The following USP54 variants were observed in gnomAD, a reference collection of about 807,000 sequenced individuals.
USP54 encodes the protein ubiquitin specific peptidase 54.
Under a neutral mutation model 170.5 loss-of-function variants are expected in USP54, and 87 were observed. That is an observed-to-expected ratio of 0.51 (90% CI 0.43 to 0.61). The LOEUF is 0.61. Ranked by LOEUF, USP54 falls within the 20% of genes least tolerant of loss-of-function variation. USP54 has a pLI of 0.00. For missense variants in USP54, 1,786 were observed against 2,047.8 expected (o/e 0.87, Z 2.47); for synonymous variants, 655 against 742.8 (o/e 0.88, Z 1.92).
In USP54 at chr10:73,543,567, C is replaced by T. The variant is rs1231015367; in HGVS notation, c.376-436G>A. On this transcript the variant is annotated intron_variant, in intron 5 of 23. Transcript: ENST00000687698. ...ATTTTTAGTAGAGACGAGGTTTCAC[C>T]GTGTTAGCCAGGATGGTCTCGATCT... Among the ~76,000 whole-genome samples, 4 of 152,166 alleles carry T rather than the reference C, an allele frequency of 2.6e-5. No individual in the cohort carries two copies. The East Asian group carries it at 7.7e-4, about 29-fold the overall frequency.
chr10:73,624,422 G>A (rs1177903438), intron 1 of USP54: 1 of 148,224 alleles, frequency 6.7e-6, no homozygotes, highest in South Asian at 2.1e-4. Flanking sequence ...TAGCCAGGCT[G>A]GTCTCGAACT....
intron 7 of USP54, 31 bp from the exon 8 acceptor site, chr10:73,541,769 G>C (rs1428390355): frequency 6.2e-7 from 1 of 1,600,432 alleles, no homozygotes; most frequent in Non-Finnish European, 8.6e-7. Context: ...GGGGGATGAT[G>C]GTTTGTATTT....
At chr10:73,536,531 A>G (rs1300098432) in intron 10 of USP54, 94 bp from the exon 11 acceptor site, 2 of 1,339,446 alleles carry the variant, frequency 1.5e-6, no homozygotes, top group African/African-American at 3.0e-5. Flanking sequence ...AAGAAAATAA[A>G]AGAGATGAAA....
chr10:73,606,814 G>A (rs1172081109), intron 1 of USP54, among the ~76,000 whole-genome samples: 1 of 151,076 alleles, frequency 6.6e-6, no homozygotes, highest in Admixed American at 6.6e-5. Context: ...GGGAGGTGGA[G>A]GTTGCAGTGA....
chr10:73,530,785 A>T lies in USP54; in HGVS notation c.1366T>A (p.Ser456Thr). Residue 456 changes from serine (S) to threonine (T), a missense_variant, in exon 13 of 24, where the codon TCA becomes ACA. This residue lies in a region of USP54 where 1,418 missense variants were observed against 1,569.0 expected (regional missense o/e 0.90). Coordinates refer to ENST00000687698, the MANE Select transcript of USP54 (RefSeq NM_001391956.1). ...GAGCTCCTCTTGCGCTCTATCAGTG[A>T]CCCTTTCTTGGATGTGTGTTTCTGA... ...CNQKHTSKKGSLIERKRSSGR... is the reference protein window; with the variant it reads ...CNQKHTSKKGTLIERKRSSGR... 2 of 1,614,008 alleles carry T rather than the reference A, an allele frequency of 1.2e-6. No individual in the cohort carries two copies. The highest frequency in any genetic ancestry group is 1.7e-6 in the Non-Finnish European group (2 of 1,179,990).
At chr10:73,624,658 A>G (rs2081382140) in intron 1 of USP54, 1 of 152,188 alleles carries the variant, frequency 6.6e-6, no homozygotes, top group African/African-American at 2.4e-5. Flanking sequence ...GAAATAAATT[A>G]TTTTTATGCC....
At chr10:73,511,728 A>G (rs1268852882) in intron 20 of USP54, among the ~76,000 whole-genome samples, 1 of 151,336 alleles carries the variant, frequency 6.6e-6, no homozygotes, top group African/African-American at 2.4e-5. Context: ...TAAGATAAAG[A>G]ACTCTCAAAT....
upstream of USP54, among the ~76,000 whole-genome samples, chr10:73,596,200 T>C (rs1489292729): frequency 6.6e-6 from 1 of 151,364 alleles, no homozygotes; most frequent in African/African-American, 2.4e-5. Flanking sequence ...GGTGGACAGA[T>C]CATTTGAGGT....
intron 1 of USP54, among the ~76,000 whole-genome samples, chr10:73,581,828 G>A (rs1433207854): frequency 6.6e-6 from 1 of 152,146 alleles, no homozygotes; most frequent in Non-Finnish European, 1.5e-5. Context: ...TGTGCTCACA[G>A]CAAGTAACTC....
intron 1 of USP54, among the ~76,000 whole-genome samples, chr10:73,603,375 A>G (rs1486028428): frequency 6.6e-6 from 1 of 152,188 alleles, no homozygotes; most frequent in Non-Finnish European, 1.5e-5. Flanking sequence ...ATGGGAGAAA[A>G]TATTTGTAAA....
At chr10:73,602,197 T>C (rs1219719600) in intron 1 of USP54, among the ~76,000 whole-genome samples, 1 of 152,220 alleles carries the variant, frequency 6.6e-6, no homozygotes, top group Non-Finnish European at 1.5e-5. Context: ...CATAGCAGTC[T>C]ATTTATTGGT....
intron 20 of USP54, among the ~76,000 whole-genome samples, chr10:73,507,939 C>T (rs971000953): frequency 6.6e-6 from 1 of 151,232 alleles, no homozygotes; most frequent in Non-Finnish European, 1.5e-5. Flanking sequence ...TGCAGTGAGC[C>T]GTGATTGTGC....
intron 4 of USP54, among the ~76,000 whole-genome samples, chr10:73,567,297 T>G (rs1024192303): frequency 1.3e-5 from 2 of 152,244 alleles, no homozygotes; most frequent in African/African-American, 4.8e-5. Flanking sequence ...TTTGTAAGAT[T>G]TATTCATATT....
Position 73,517,503 on chromosome 10 carries a change from G to A in USP54, c.2923C>T (p.Pro975Ser), listed in dbSNP as rs2061246008. 6.8e-6 allele frequency: 11 copies of A among 1,614,182 alleles called. No individual in the cohort carries two copies. Among genetic ancestry groups the A allele is most frequent in the Non-Finnish European group, 8.5e-6 (10 of 1,180,028 alleles). The change falls in exon 20 of 24, where the codon CCT becomes TCT. Residue 975 changes from proline to serine, a missense_variant. Pro to Ser is a moderately conservative substitution (Grantham distance 74, BLOSUM62 -1). This residue lies in a region of USP54 where 1,418 missense variants were observed against 1,569.0 expected (regional missense o/e 0.90). Transcript: ENST00000687698. ...TTCTCAGTCCACCCTGGTGCTTTAG[G>A]TAAACCTTGCCTGTGGAATGCAGAG... ...EPSAFHRQGL[P>S]KAPGWTEKNS...
At position 73,499,203 on chromosome 10, in the gene USP54, G is replaced by C; in HGVS notation, c.4496-15C>G. On this transcript the variant is annotated splice_polypyrimidine_tract_variant and intron_variant, in intron 23 of 23. Transcript: ENST00000687698. ...CCTTGAAGTTCCTGGGGAAAGAAAAGAAACCCAAAGACTGAGCATCTTCAG... is the reference window on the plus strand; with the variant it reads ...CCTTGAAGTTCCTGGGGAAAGAAAACAAACCCAAAGACTGAGCATCTTCAG... 6.3e-7 allele frequency: 1 copy of C among 1,575,654 alleles called. No individual in the cohort carries two copies. The highest frequency in any genetic ancestry group is 8.6e-7 in the Non-Finnish European group (1 of 1,164,106).
At chr10:73,528,863 A>G (rs2063476618) in intron 15 of USP54, among the ~76,000 whole-genome samples, 1 of 152,246 alleles carries the variant, frequency 6.6e-6, no homozygotes, top group Non-Finnish European at 1.5e-5. Context: ...TAGAGACAGT[A>G]AAATGGTTAC....
At chr10:73,502,378 G>T (rs1470608401) in intron 22 of USP54, among the ~76,000 whole-genome samples, 1 of 151,822 alleles carries the variant, frequency 6.6e-6, no homozygotes, top group African/African-American at 2.4e-5. Flanking sequence ...GCGCAATCTC[G>T]GCTCACTCAC....
chr10:73,573,794 G>A (rs1268236721), intron 3 of USP54, among the ~76,000 whole-genome samples: 1 of 152,078 alleles, frequency 6.6e-6, no homozygotes, highest in East Asian at 1.9e-4. Context: ...CTGAGAAAGA[G>A]CATGAAACTT....
At chr10:73,589,542 G>A (rs1358076831) in intron 1 of USP54, among the ~76,000 whole-genome samples, 1 of 152,074 alleles carries the variant, frequency 6.6e-6, no homozygotes, top group Non-Finnish European at 1.5e-5. Flanking sequence ...CGAATTTTAT[G>A]AATCACTAAG....
Sources: gnomAD v4.1 joint callset for allele counts (sites outside exome capture counted in the v4.1 genomes callset) on GRCh38, gnomAD v4.1.1 for gene constraint, gnomAD v4.1.1 regional missense constraint, MANE v1.5 for transcripts, NCBI Gene and HGNC (gene_info 2026-07-23, HGNC 2026-07-21) for gene names.